DLL3: variants seen among roughly 807,000 people sequenced by gnomAD.
DLL3 encodes delta like canonical Notch ligand 3.
Under a neutral mutation model 55.0 loss-of-function variants are expected in DLL3, and 49 were observed. That is an observed-to-expected ratio of 0.89 (90% CI 0.71 to 1.13). DLL3 has a LOEUF of 1.13. DLL3 is among the 50% of genes most tolerant of loss of function. DLL3 has a pLI of 0.00. For synonymous variants in DLL3, 421 were observed against 385.2 expected, an observed-to-expected ratio of 1.09 and a Z score of -1.09; for missense variants, 962 against 875.5, an observed-to-expected ratio of 1.10 and a Z score of -1.25.
At chr19:39,501,621 T>C (rs1386115868) in intron 3 of DLL3, among the ~76,000 whole-genome samples, 2 of 152,146 alleles carry the variant, frequency 1.3e-5, no homozygotes, top group Non-Finnish European at 2.9e-5. Context: ...TTCTTCACCG[T>C]TCTGATGTAG....
At chr19:39,500,470 G>T (rs1244688550) in intron 2 of DLL3, 145 bp from the exon 3 acceptor site, 1 of 715,564 alleles carries the variant, frequency 1.4e-6, no homozygotes, top group Non-Finnish European at 2.5e-6. Flanking sequence ...CCCTGGGCTG[G>T]TCTGGTCCCT....
intron 8 of DLL3, 165 bp from the exon 9 acceptor site, chr19:39,508,087 C>T (rs1378425579): frequency 2.5e-6 from 4 of 1,605,760 alleles, no homozygotes; most frequent in Non-Finnish European, 1.7e-6. Context: ...TTGCATCCCT[C>T]TTATCGTTTT....
intron 3 of DLL3, among the ~76,000 whole-genome samples, chr19:39,502,055 C>T (rs1361775811): frequency 2.0e-5 from 3 of 150,980 alleles, no homozygotes; most frequent in Non-Finnish European, 4.4e-5. Flanking sequence ...GGCGTGGTGG[C>T]AGGCGCCTGT....
intron 6 of DLL3, among the ~76,000 whole-genome samples, chr19:39,506,211 CAAAAAAAAAAAAA>C (rs541216671): frequency 2.0e-4 from 11 of 54,520 alleles, no homozygotes; most frequent in Middle Eastern, 0.01. Flanking sequence ...CACTCTGTCT[CAAAAAAAAAAAAA>C]AAAAAAAAAA....
chr19:39,503,740 C>T (rs775928326), intron 4 of DLL3, among the ~76,000 whole-genome samples: 6 of 152,192 alleles, frequency 3.9e-5, no homozygotes, highest in Non-Finnish European at 7.3e-5. Flanking sequence ...TCCCAAATCC[C>T]CTCACTGTCT....
chr19:39,508,331 C>G lies in DLL3; in HGVS notation c.*74C>G, dbSNP rs1600759230. ...TGCTCGGTGGTGCCCAGTCTCTGCC[C>G]CAGAGGCTTTGGAGTTCAATCTTGA... On this transcript the variant is annotated 3_prime_UTR_variant, in exon 9 of 9. Transcript: ENST00000356433. 1.9e-6 allele frequency: 3 copies of G among 1,566,536 alleles called. No homozygotes were observed. The highest frequency in any genetic ancestry group is 2.6e-6 in the Non-Finnish European group (3 of 1,138,212).
At chr19:39,501,655 G>A (rs1159345984) in intron 3 of DLL3, among the ~76,000 whole-genome samples, 1 of 152,000 alleles carries the variant, frequency 6.6e-6, no homozygotes, top group Non-Finnish European at 1.5e-5. Context: ...AATCTTGGGG[G>A]GTGACACCTT....
In DLL3 at chr19:39,501,883, A is replaced by G. The variant is rs564261877; in HGVS notation, c.410-932A>G. ...TGTTAGAGGTCTCATCATTACTTCAATTTACAAAGATCTGGGTCAAGGCCC... is the reference window on the plus strand; with the variant it reads ...TGTTAGAGGTCTCATCATTACTTCAGTTTACAAAGATCTGGGTCAAGGCCC... On this transcript the variant is annotated intron_variant, in intron 3 of 8. Transcript: ENST00000356433. Among the ~76,000 whole-genome samples, 10 of 152,148 alleles carry G rather than the reference A, an allele frequency of 6.6e-5. No individual in the cohort carries two copies. In the East Asian group the frequency reaches 1.4e-3, roughly 21 times the overall value.
Position 39,502,941 on chromosome 19 carries a change from A to C in DLL3, c.536A>C (p.Glu179Ala). ...ELRFSYRARC[E>A]PPAVGTACTR... ...CGCTTCTCGTACCGCGCGCGCTGCG[A>C]GCCGCCTGCCGTCGGGACCGCGTGC... The change falls in exon 4 of 9, where the codon GAG becomes GCG. Residue 179 changes from glutamate to alanine, a missense_variant. By Grantham distance (107) the Glu-to-Ala change is moderately radical. Coordinates refer to ENST00000356433, the MANE Select transcript of DLL3 (RefSeq NM_203486.3). The C allele has an allele frequency of 6.9e-7, 1 of 1,442,416 alleles. No homozygotes were observed. The highest frequency in any genetic ancestry group is 1.4e-5 in the South Asian group (1 of 72,960). 89.4% of individuals were successfully genotyped at this position (1,442,416 alleles called of 1,614,324 possible). A position where few individuals can be genotyped will look rare whatever the true frequency, so the allele number is the denominator to read the frequency against.
chr19:39,507,265 C>T lies in DLL3; in HGVS notation c.1320C>T (p.His440=), dbSNP rs577978350. 2.0e-6 allele frequency: 3 copies of T among 1,530,220 alleles called. No homozygotes were observed. Among genetic ancestry groups the T allele is most frequent in the Non-Finnish European group, 1.7e-6 (2 of 1,144,860 alleles). 94.8% of individuals were successfully genotyped at this position (1,530,220 alleles called of 1,614,324 possible). Residue 440 remains histidine, a synonymous_variant, in exon 7 of 9, where the codon CAC becomes CAT. Transcript: ENST00000356433. ...CGTGCGCCGCGCGCCCCTGTGCTCA[C>T]GGCGGCCGCTGCTACGCCCACTTCT... The part of the protein sequence containing the change: ...ADPCAARPCA[H]GGRCYAHFSG...
rs1433203624 is a variant in DLL3, at chr19:39,502,924, G to T, written c.519G>T (p.Ser173=). The part of the protein sequence containing the change: ...QRAGAWELRF[S]YRARCEPPAV... ...CAGGCGCCTGGGAGCTGCGCTTCTC[G>T]TACCGCGCGCGCTGCGAGCCGCCTG... The change falls in exon 4 of 9, where the codon TCG becomes TCT. Residue 173 remains serine, a synonymous_variant. Coordinates refer to ENST00000356433, the MANE Select transcript of DLL3 (RefSeq NM_203486.3). The T allele has an allele frequency of 2.8e-6, 4 of 1,440,888 alleles. No individual in the cohort carries two copies. The highest frequency in any genetic ancestry group is 3.0e-5 in the African/African-American group (2 of 67,326). The allele number at this position is 1,440,888 out of a possible 1,614,324, so 89.3% of individuals were successfully genotyped here.
At chr19:39,508,158 T>C in intron 8 of DLL3, 94 bp from the exon 9 acceptor site, 1 of 1,614,116 alleles carries the variant, frequency 6.2e-7, no homozygotes, top group Non-Finnish European at 8.5e-7. Flanking sequence ...CGATGCCGAC[T>C]CCGCCAGAGC....
chr19:39,503,073 G>T lies in DLL3; in HGVS notation c.652+16G>T. The T allele has an allele frequency of 6.6e-7, 1 of 1,520,508 alleles. No individual in the cohort carries two copies. The highest frequency in any genetic ancestry group is 1.2e-5 in the South Asian group (1 of 82,042). 94.2% of individuals were successfully genotyped at this position (1,520,508 alleles called of 1,614,324 possible). Reference sequence around the variant, plus strand: ...GAGGCGCCGCGTGAGTCCTGCGTTCGACCCCACCCCGTCCCAGCCGGGGAC... The same window carrying T: ...GAGGCGCCGCGTGAGTCCTGCGTTCTACCCCACCCCGTCCCAGCCGGGGAC... On this transcript the variant is annotated intron_variant, in intron 4 of 8. Transcript: ENST00000356433.
chr19:39,507,538 G>A lies in DLL3; in HGVS notation c.1593G>A (p.Gly531=). The change falls in exon 7 of 9, where the codon GGG becomes GGA. Residue 531 remains glycine (G), a synonymous_variant. Transcript: ENST00000356433. ...ATGCTGGGTCTCGCTTGCTGGCTGGGACCCCGGAGCCGTCAGTCCACGCAC... is the reference window on the plus strand; with the variant it reads ...ATGCTGGGTCTCGCTTGCTGGCTGGAACCCCGGAGCCGTCAGTCCACGCAC... The part of the protein sequence containing the change: ...SQDAGSRLLA[G]TPEPSVHALP... 2 of 1,605,956 alleles carry A rather than the reference G, an allele frequency of 1.2e-6. No homozygotes were observed. The highest frequency in any genetic ancestry group is 1.7e-6 in the Non-Finnish European group (2 of 1,177,092).
At chr19:39,503,139 T>G in intron 4 of DLL3, 82 bp downstream of exon 4, 1 of 1,417,126 alleles carries the variant, frequency 7.1e-7, no homozygotes, top group Non-Finnish European at 9.4e-7. Context: ...CCCAGTCCCC[T>G]CTCACAACCC....
rs568197324 is a variant in DLL3, at chr19:39,501,561, A to G, written c.409+889A>G. Among the ~76,000 whole-genome samples, 10 of 152,266 alleles carry G rather than the reference A, an allele frequency of 6.6e-5. No individual in the cohort carries two copies. The South Asian group carries it at 1.9e-3, about 28-fold the overall frequency. ...GGTCTCAAACTCCTAGGCTCAAGCAATCCACAGGCTTTGGCTTCCCAAAAC... is the reference window on the plus strand; with the variant it reads ...GGTCTCAAACTCCTAGGCTCAAGCAGTCCACAGGCTTTGGCTTCCCAAAAC... On this transcript the variant is annotated intron_variant, in intron 3 of 8. Transcript: ENST00000356433.
At chr19:39,501,212 A>G (rs567531426) in intron 3 of DLL3, among the ~76,000 whole-genome samples, 18 of 152,120 alleles carry the variant, frequency 1.2e-4, no homozygotes, top group Non-Finnish European at 2.5e-4. Context: ...CATGTTGTCC[A>G]GGCTGGTCTT....
At position 39,504,169 on chromosome 19, in the gene DLL3, C is replaced by T. The variant is rs376715067; in HGVS notation, c.751C>T (p.Pro251Ser). Residue 251 changes from proline to serine, a missense_variant, in exon 5 of 9, where the codon CCT becomes TCT. Physicochemically the swap from Pro to Ser is moderately conservative, Grantham distance 74. Transcript: ENST00000356433. Reference protein sequence around the residue: ...EGWTGPLCTVPVSTSSCLSPR... With the variant: ...EGWTGPLCTVSVSTSSCLSPR... ...CTGGACTGGACCCCTCTGCACGGTCCCTGTCTCCACCAGCAGCTGCCTCAG... is the reference window on the plus strand; with the variant it reads ...CTGGACTGGACCCCTCTGCACGGTCTCTGTCTCCACCAGCAGCTGCCTCAG... 144 of 1,612,374 alleles carry T rather than the reference C, an allele frequency of 8.9e-5. No homozygotes were observed. Among genetic ancestry groups the T allele is most frequent in the Non-Finnish European group, 1.1e-4 (131 of 1,180,022 alleles).
rs1005040837 is a variant in DLL3, at chr19:39,508,457, A to G, written c.*200A>G. 24 of 641,170 alleles carry G rather than the reference A, an allele frequency of 3.7e-5. No individual in the cohort carries two copies. Among genetic ancestry groups the G allele is most frequent in the Non-Finnish European group, 6.0e-5 (22 of 367,406 alleles). 39.7% of individuals were successfully genotyped at this position (641,170 alleles called of 1,614,324 possible). On this transcript the variant is annotated 3_prime_UTR_variant, in exon 9 of 9. Coordinates refer to ENST00000356433, the MANE Select transcript of DLL3 (RefSeq NM_203486.3). ...CTCTCTAGAAACACCTATAAAGGCT[A>G]TTATTGTGATCAGTTTTGACTAACG...
Sources: gnomAD v4.1 joint callset for allele counts (sites outside exome capture counted in the v4.1 genomes callset) on GRCh38, gnomAD v4.1.1 for gene constraint, MANE v1.5 for transcripts, NCBI Gene and HGNC (gene_info 2026-07-23, HGNC 2026-07-21) for gene names.